Variants in MUC22 observed in about 807,000 individuals in gnomAD.
MUC22 encodes mucin 22, also known as mucin-22.
MUC22 carries 24 observed loss-of-function variants against 40.3 expected under a neutral mutation model. The ratio of observed to expected loss-of-function variants is 0.60; its 90% CI spans 0.43 to 0.84. The LOEUF is 0.84. MUC22 is among the 40% of genes least tolerant of loss of function. The probability of loss-of-function intolerance (pLI) is 0.00; values close to 1 mark genes in which losing one functional copy is unlikely to be tolerated. For missense variants in MUC22, 1,926 were observed against 2,130.7 expected, an observed-to-expected ratio of 0.90 and a Z score of 1.89; for synonymous variants, 765 against 844.5, an observed-to-expected ratio of 0.91 and a Z score of 1.63.
At chr6:31,030,270 C>T (rs1765955719) in intron 2 of MUC22, among the ~76,000 whole-genome samples, 170 bp downstream of exon 2, 1 of 152,190 alleles carries the variant, frequency 6.6e-6, no homozygotes, top group Admixed American at 6.5e-5. Flanking sequence ...GTAATCCCAG[C>T]ACATTGGAAG....
intron 1 of MUC22, among the ~76,000 whole-genome samples, chr6:31,012,327 C>CT (rs1367682673): frequency 6.6e-6 from 1 of 152,150 alleles, no homozygotes; most frequent in Non-Finnish European, 1.5e-5. Context: ...CCTCGGCGTT[C>CT]TTTTTCTTCT....
chr6:31,022,024 C>T (rs546123873), intron 1 of MUC22, among the ~76,000 whole-genome samples: 23 of 152,228 alleles, frequency 1.5e-4, no homozygotes, highest in African/African-American at 4.1e-4. Context: ...CAATTCCACA[C>T]GCATGGGCTT....
rs1214372634 is a variant in MUC22 at position 31,011,199 on chromosome 6, T to C, written c.70+423T>C. Among the ~76,000 whole-genome samples, 1 of 127,064 alleles carries C rather than the reference T, an allele frequency of 7.9e-6. No individual in the cohort carries two copies. The highest frequency in any genetic ancestry group is 7.7e-5 in the Admixed American group (1 of 13,038). 83.4% of individuals were successfully genotyped at this position (127,064 alleles called of 152,430 possible). On this transcript the variant is annotated intron_variant, in intron 1 of 3. Coordinates refer to ENST00000561890, the Ensembl canonical transcript of MUC22. The surrounding 1 kb of genome is among the most constrained non-coding windows in gnomAD (Gnocchi z 4.5). ...TCAAGTAAAAATCCTTCAATCCTTC[T>C]TTGTTTTTTTTCCATAGGTTATTTG... is the stretch of plus-strand genomic sequence containing the variant.
At position 31,032,233 on chromosome 6, in the gene MUC22, C is replaced by T; in HGVS notation, c.4707C>T (p.Ser1569=). The change falls in exon 3 of 4, where the codon AGC becomes AGT. Residue 1569 remains serine, a synonymous_variant. Coordinates refer to ENST00000561890, the Ensembl canonical transcript of MUC22. This position sits in a 1 kb window ranked among gnomAD's most constrained non-coding sequence, Gnocchi z 4.1. ...CTGGAACCAGACTCACTGCCTCCAG[C>T]TCTGTCACCATGGCCCCTGGAATGG... 1 of 1,535,512 alleles carries T rather than the reference C, an allele frequency of 6.5e-7. No individual in the cohort carries two copies. The highest frequency in any genetic ancestry group is 1.4e-5 in the African/African-American group (1 of 73,172).
At position 31,032,414 on chromosome 6, in the gene MUC22, C is replaced by T; in HGVS notation, c.4888C>T (p.Gln1630Ter). 1.3e-6 allele frequency: 2 copies of T among 1,535,730 alleles called. No homozygotes were observed. Among genetic ancestry groups the T allele is most frequent in the Non-Finnish European group, 1.7e-6 (2 of 1,146,914 alleles). Residue 1630 changes from glutamine (Q) to a stop codon, truncating the protein, a stop_gained, in exon 3 of 4, where the codon CAG becomes TAG. Coordinates refer to ENST00000561890, the Ensembl canonical transcript of MUC22. LOFTEE classifies it high-confidence loss of function. This position sits in a 1 kb window ranked among gnomAD's most constrained non-coding sequence, Gnocchi z 4.1. Reference sequence around the variant, plus strand: ...CCGTGAGCCAACCAGCAGCACCTTCCAGGAAACAGGCCCGGTGTCCATGGG... The same window carrying T: ...CCGTGAGCCAACCAGCAGCACCTTCTAGGAAACAGGCCCGGTGTCCATGGG...
rs73395836 is a variant in MUC22 at position 31,015,062 on chromosome 6, T to C, written c.70+4286T>C. Among the ~76,000 whole-genome samples the C allele has an allele frequency of 9.9e-3, 1,509 of 152,282 alleles. 22 individuals carry two copies. Among genetic ancestry groups the C allele is most frequent in the African/African-American group, 0.032 (1,350 of 41,548 alleles). On this transcript the variant is annotated intron_variant, in intron 1 of 3. Coordinates refer to ENST00000561890, the Ensembl canonical transcript of MUC22. ...GGTGAACAGTTTAGGATTGGCTGGT[T>C]TGAATAATTCCTGTGTTCTTTGAGC...
At chr6:31,008,693 C>A (rs1763673494), upstream of MUC22, among the ~76,000 whole-genome samples, 1 of 151,374 alleles carries the variant, frequency 6.6e-6, no homozygotes. Context: ...GGATTACAGG[C>A]ACCCGCCACT....
chr6:31,030,808 G>A (rs1371773378), intron 2 of MUC22, among the ~76,000 whole-genome samples: 4 of 152,152 alleles, frequency 2.6e-5, no homozygotes, highest in Non-Finnish European at 4.4e-5. Context: ...ACCAGAGGCT[G>A]GCAGACCACA....
intron 1 of MUC22, among the ~76,000 whole-genome samples, chr6:31,014,124 A>G (rs1202960017): frequency 6.6e-6 from 1 of 152,230 alleles, no homozygotes; most frequent in Non-Finnish European, 1.5e-5. Flanking sequence ...TATAATAAGT[A>G]TAAATGACCT....
chr6:31,028,705 T>C (rs1290789483), exon 2 of MUC22: 1 of 1,530,068 alleles, frequency 6.5e-7, no homozygotes, highest in Admixed American at 2.0e-5. Context: ...TACAGCAGGC[T>C]CTGAGACCAC....
exon 2 of MUC22, chr6:31,028,211 C>T: frequency 2.6e-6 from 4 of 1,534,452 alleles, no homozygotes; most frequent in Non-Finnish European, 3.5e-6. Flanking sequence ...GAGACCACTA[C>T]AGTATCTGCC....
chr6:31,016,150 G>T (rs1554294789), intron 1 of MUC22, among the ~76,000 whole-genome samples: 3 of 146,234 alleles, frequency 2.1e-5, no homozygotes, highest in African/African-American at 2.5e-5. Context: ...TTTTTTTGTG[G>T]GTGCTATACT....
At chr6:31,018,564 C>T (rs1227198464) in intron 1 of MUC22, among the ~76,000 whole-genome samples, 2 of 152,222 alleles carry the variant, frequency 1.3e-5, no homozygotes, top group Non-Finnish European at 1.5e-5. Flanking sequence ...ATCGTTTGTC[C>T]TTGTGGAGGT....
intron 2 of MUC22, 24 bp downstream of exon 2, chr6:31,030,124 GAGCCCACACA>G (rs1351411926): frequency 6.7e-7 from 1 of 1,488,112 alleles, no homozygotes; most frequent in Non-Finnish European, 8.9e-7. Context: ...TGTCTTCTTT[GAGCCCACACA>G]TTTTAACTCC....
At chr6:31,027,791 C>G (rs1455807710) in exon 2 of MUC22, 1 of 1,532,400 alleles carries the variant, frequency 6.5e-7, no homozygotes, top group South Asian at 1.2e-5. Context: ...GAGAACACTA[C>G]AGTCTCCACC....
rs1766131079 is a variant in MUC22, at chr6:31,032,395, G to A, written c.4869G>A (p.Glu1623=). The A allele has an allele frequency of 6.5e-7, 1 of 1,535,724 alleles. No individual in the cohort carries two copies. Among genetic ancestry groups the A allele is most frequent in the Non-Finnish European group, 8.7e-7 (1 of 1,146,912 alleles). ...GGACCACCACAGGATCCACCCGTGAGCCAACCAGCAGCACCTTCCAGGAAA... is the reference window on the plus strand; with the variant it reads ...GGACCACCACAGGATCCACCCGTGAACCAACCAGCAGCACCTTCCAGGAAA... Residue 1623 remains glutamate, a synonymous_variant, in exon 3 of 4, where the codon GAG becomes GAA. Coordinates refer to ENST00000561890, the Ensembl canonical transcript of MUC22. The surrounding 1 kb of genome is among the most constrained non-coding windows in gnomAD (Gnocchi z 4.1).
At position 31,032,484 on chromosome 6, in the gene MUC22, A is replaced by G. The variant is rs998660673; in HGVS notation, c.4958A>G (p.Lys1653Arg). Residue 1653 changes from lysine to arginine, a missense_variant, in exon 3 of 4, where the codon AAA becomes AGA. Lys to Arg is a conservative substitution (Grantham distance 26). Transcript: ENST00000561890. The surrounding 1 kb of genome is among the most constrained non-coding windows in gnomAD (Gnocchi z 4.1). Reference sequence around the variant, plus strand: ...AGCCACACACCCACAAACGTGATCAAACCAAGTGGATATTTACAGCCCTGG... The same window carrying G: ...AGCCACACACCCACAAACGTGATCAGACCAAGTGGATATTTACAGCCCTGG... 24 of 1,535,614 alleles carry G rather than the reference A, an allele frequency of 1.6e-5. No homozygotes were observed. The highest frequency in any genetic ancestry group is 2.0e-5 in the Non-Finnish European group (23 of 1,146,922).
In MUC22 at chr6:31,027,641, C is replaced by T. The variant is rs1462753685; in HGVS notation, c.2210C>T (p.Thr737Ile). The T allele has an allele frequency of 2.0e-6, 3 of 1,529,810 alleles. No homozygotes were observed. The South Asian group carries it at 3.6e-5, about 18-fold the overall frequency. 94.8% of individuals were successfully genotyped at this position (1,529,810 alleles called of 1,614,324 possible). Residue 737 changes from threonine to isoleucine, a missense_variant, in exon 2 of 4, where the codon ACA (threonine) becomes ATA (isoleucine). Coordinates refer to ENST00000561890, the Ensembl canonical transcript of MUC22. Reference sequence around the variant, plus strand: ...TATACTACAGGCTCTGAGACCACCACAGCCTCTAATACAGGCTTGGAGACC... The same window carrying T: ...TATACTACAGGCTCTGAGACCACCATAGCCTCTAATACAGGCTTGGAGACC...
intron 1 of MUC22, among the ~76,000 whole-genome samples, chr6:31,021,875 C>G (rs975610179): frequency 6.6e-6 from 1 of 151,186 alleles, no homozygotes; most frequent in African/African-American, 2.4e-5. Flanking sequence ...AAACTTTGTT[C>G]TTTTGCTCTT....
Sources: gnomAD v4.1 joint callset for allele counts (sites outside exome capture counted in the v4.1 genomes callset) on GRCh38, gnomAD v4.1.1 for gene constraint, Gnocchi (gnomAD v3.1) non-coding constraint, MANE v1.5 for transcripts, NCBI Gene and HGNC (gene_info 2026-07-23, HGNC 2026-07-21) for gene names.